The following ARHGEF7 variants were observed in gnomAD, a reference collection of about 807,000 sequenced individuals.
ARHGEF7 encodes the protein Rho guanine nucleotide exchange factor 7, also known as PAK-interacting exchange factor beta.
Under a neutral mutation model 109.8 loss-of-function variants are expected in ARHGEF7, and 33 were observed. The ratio of observed to expected loss-of-function variants is 0.30; its 90% CI spans 0.23 to 0.40. The LOEUF (loss-of-function observed/expected upper bound fraction) is 0.40, where lower values mean the gene tolerates loss of function less well. ARHGEF7 is among the 10% of genes least tolerant of loss of function. The pLI is 1.00. For synonymous variants in ARHGEF7, 458 were observed against 424.6 expected (o/e 1.08, Z -0.97); for missense variants, 938 against 1,098.5 (o/e 0.85, Z 2.07).
chr13:111,154,536 A>G (rs1400897773), intron 2 of ARHGEF7, among the ~76,000 whole-genome samples: 1 of 152,102 alleles, frequency 6.6e-6, no homozygotes, highest in African/African-American at 2.4e-5. Context: ...GTTTTTCCGT[A>G]CCCTCAACAC....
chr13:111,153,726 G>A, intron 1 of ARHGEF7, 179 bp from the exon 2 acceptor site: 1 of 1,333,964 alleles, frequency 7.5e-7, no homozygotes, highest in Non-Finnish European at 9.5e-7. Context: ...AAAAGGGTGA[G>A]GAGAAGCAGC....
intron 2 of ARHGEF7, among the ~76,000 whole-genome samples, chr13:111,179,770 T>C (rs1479971393): frequency 1.3e-5 from 2 of 152,186 alleles, no homozygotes; most frequent in East Asian, 3.9e-4. Flanking sequence ...TCCAGGCTTG[T>C]TAGTGTGTAG....
chr13:111,115,809 C>T, intron 1 of ARHGEF7, 118 bp downstream of exon 1: 2 of 413,026 alleles, frequency 4.8e-6, no homozygotes, highest in Non-Finnish European at 6.6e-6. Flanking sequence ...CTCCTTTGTG[C>T]GCGGAGCGGC....
intron 19 of ARHGEF7, among the ~76,000 whole-genome samples, chr13:111,297,921 C>T (rs142424578): frequency 0.025 from 3,763 of 152,346 alleles, 81 homozygotes; most frequent in Non-Finnish European, 0.036. Context: ...TCCGCAGTTA[C>T]ATAACTTTTT....
chr13:111,241,588 A>C (rs1197644660), intron 6 of ARHGEF7, among the ~76,000 whole-genome samples: 1 of 152,212 alleles, frequency 6.6e-6, no homozygotes, highest in Non-Finnish European at 1.5e-5. Context: ...TTTTTGGCAG[A>C]GGGCTCTTTC....
intron 2 of ARHGEF7, chr13:111,185,054 A>G (rs942892461): frequency 6.6e-6 from 1 of 151,882 alleles, no homozygotes; most frequent in African/African-American, 2.4e-5. Flanking sequence ...CTAGTGGTGC[A>G]TCAGGTTCCG....
chr13:111,284,159 G>T (rs934911854), intron 16 of ARHGEF7, among the ~76,000 whole-genome samples: 1 of 152,136 alleles, frequency 6.6e-6, no homozygotes, highest in South Asian at 2.1e-4. Flanking sequence ...GTGCGCGTCA[G>T]TGTGAGCAGC....
chr13:111,233,509 G>A (rs943842552), intron 6 of ARHGEF7, among the ~76,000 whole-genome samples: 3 of 152,132 alleles, frequency 2.0e-5, no homozygotes, highest in Non-Finnish European at 4.4e-5. Flanking sequence ...TCATGTATAT[G>A]GAAATGTCCC....
chr13:111,229,927 A>C (rs973568968), intron 5 of ARHGEF7, among the ~76,000 whole-genome samples: 1 of 152,154 alleles, frequency 6.6e-6, no homozygotes, highest in Non-Finnish European at 1.5e-5. Flanking sequence ...AGTGCATAGA[A>C]GCTTCCAGAC....
At position 111,209,912 on chromosome 13, in the gene ARHGEF7, G is replaced by A. The variant is rs1031245527; in HGVS notation, c.378G>A (p.Ser126=). ...LGSDSVCARP[S]SHRIKSFDSL... ...GTGACTCCGTGTGTGCCCGGCCCTC[G>A]TCTCACCGCATAAAGTCTTTTGACT... The change falls in exon 4 of 22, where the codon TCG becomes TCA. Residue 126 remains serine, a synonymous_variant. Transcript: ENST00000646102. 17 of 1,614,144 alleles carry A rather than the reference G, an allele frequency of 1.1e-5. No homozygotes were observed. Among genetic ancestry groups the A allele is most frequent in the Admixed American group, 3.3e-5 (2 of 60,012 alleles).
chr13:111,287,121 G>A (rs549855881), intron 17 of ARHGEF7, among the ~76,000 whole-genome samples: 18 of 152,298 alleles, frequency 1.2e-4, no homozygotes, highest in South Asian at 6.2e-4. Flanking sequence ...TGAGGTGACC[G>A]TGCTGGGGTG....
At chr13:111,283,035 C>T in intron 15 of ARHGEF7, 104 bp from the exon 16 acceptor site, 1 of 1,340,490 alleles carries the variant, frequency 7.5e-7, no homozygotes, top group Non-Finnish European at 1.0e-6. Flanking sequence ...GTTTATTTCA[C>T]ATGGAGTGTT....
At chr13:111,265,472 G>A (rs1236140587) in intron 8 of ARHGEF7, 2 of 424,762 alleles carry the variant, frequency 4.7e-6, no homozygotes, top group African/African-American at 4.1e-5. Flanking sequence ...TCCTGACTAT[G>A]ACTTTCTCCA....
intron 8 of ARHGEF7, among the ~76,000 whole-genome samples, chr13:111,245,156 C>T (rs2088581129): frequency 6.6e-6 from 1 of 152,166 alleles, no homozygotes; most frequent in Admixed American, 6.5e-5. Flanking sequence ...GTTTTCAAAG[C>T]ATCTCATCGA....
chr13:111,179,735 G>A (rs1024030487), intron 2 of ARHGEF7, among the ~76,000 whole-genome samples: 8 of 152,088 alleles, frequency 5.3e-5, no homozygotes, highest in Non-Finnish European at 5.9e-5. Context: ...TCGCTTTAAC[G>A]TTAGGATTTG....
At chr13:111,261,931 A>G (rs1677987691) in intron 8 of ARHGEF7, among the ~76,000 whole-genome samples, 1 of 152,210 alleles carries the variant, frequency 6.6e-6, no homozygotes, top group Admixed American at 6.5e-5. Context: ...TCGTGGAAAC[A>G]CAGCATACCA....
chr13:111,204,985 C>T (rs1053696628), intron 2 of ARHGEF7, among the ~76,000 whole-genome samples: 3 of 150,858 alleles, frequency 2.0e-5, no homozygotes, highest in African/African-American at 7.3e-5. Flanking sequence ...TGCTGAATGC[C>T]AGCAGCCCAC....
chr13:111,216,203 C>T (rs1346988107), intron 4 of ARHGEF7, among the ~76,000 whole-genome samples: 5 of 152,222 alleles, frequency 3.3e-5, no homozygotes, highest in Non-Finnish European at 7.3e-5. Context: ...CTCTTAGACT[C>T]AGCTTCTGAG....
intron 1 of ARHGEF7, among the ~76,000 whole-genome samples, chr13:111,146,832 C>G (rs1027063717): frequency 6.6e-6 from 1 of 152,148 alleles, no homozygotes; most frequent in South Asian, 2.1e-4. Context: ...GAAGTCTGAC[C>G]TTAATGTTGC....
Sources: gnomAD v4.1 joint callset for allele counts (sites outside exome capture counted in the v4.1 genomes callset) on GRCh38, gnomAD v4.1.1 for gene constraint, MANE v1.5 for transcripts, NCBI Gene and HGNC (gene_info 2026-07-23, HGNC 2026-07-21) for gene names.